Variants in SAMD12 observed in about 807,000 individuals in gnomAD.
SAMD12 encodes sterile alpha motif domain-containing protein 12.
Under a neutral mutation model 15.0 loss-of-function variants are expected in SAMD12, and 9 were observed. The observed-to-expected ratio is 0.60, with a 90% CI of 0.36 to 1.05. The LOEUF (loss-of-function observed/expected upper bound fraction) is 1.05, where lower values mean the gene tolerates loss of function less well. Ranked by LOEUF, SAMD12 falls within the 50% of genes least tolerant of loss-of-function variation. The pLI, the probability that SAMD12 is intolerant of heterozygous loss-of-function variation, is 0.01. For missense variants in SAMD12, 230 were observed against 234.2 expected (o/e 0.98, Z 0.12); for synonymous variants, 86 against 90.1 (o/e 0.96, Z 0.25).
chr8:118,477,001 CCT>C (rs765256948), intron 2 of SAMD12, among the ~76,000 whole-genome samples: 46 of 152,120 alleles, frequency 3.0e-4, no homozygotes, highest in Admixed American at 5.2e-4. Flanking sequence ...TTTCAGCAGG[CCT>C]CTCTATTCAC....
At chr8:118,154,658 T>C in the SAMD12 span, among the ~76,000 whole-genome samples, 1 of 152,194 alleles carries the variant, frequency 6.6e-6, no homozygotes, top group Non-Finnish European at 1.5e-5. Flanking sequence ...TAAATTTTAG[T>C]ATACACCAAG....
intron 2 of SAMD12, among the ~76,000 whole-genome samples, chr8:118,568,025 C>G (rs1218511745): frequency 6.6e-6 from 1 of 152,152 alleles, no homozygotes; most frequent in Non-Finnish European, 1.5e-5. Context: ...AGTTCACACT[C>G]TAGTGGATGA....
chr8:118,330,349 C>T (rs192483448), intron 4 of SAMD12, among the ~76,000 whole-genome samples: 116 of 152,218 alleles, frequency 7.6e-4, no homozygotes, highest in Non-Finnish European at 1.3e-3. Context: ...GTTCCTTGGG[C>T]GGCTGAATGA....
At chr8:118,491,689 G>A (rs1824444074) in intron 2 of SAMD12, among the ~76,000 whole-genome samples, 1 of 151,958 alleles carries the variant, frequency 6.6e-6, no homozygotes, top group Admixed American at 6.6e-5. Context: ...CATATAAATG[G>A]AATCATGCAG....
At chr8:118,249,977 C>T (rs886945110) in intron 4 of SAMD12, among the ~76,000 whole-genome samples, 5 of 152,200 alleles carry the variant, frequency 3.3e-5, no homozygotes, top group Middle Eastern at 3.4e-3. Flanking sequence ...AATCCACACC[C>T]CCGATGTTGG....
chr8:118,389,976 G>A (rs920294757), intron 3 of SAMD12, among the ~76,000 whole-genome samples: 12 of 151,938 alleles, frequency 7.9e-5, no homozygotes, highest in African/African-American at 2.9e-4. Flanking sequence ...GTATATATGG[G>A]TCATAGTTGG....
downstream of SAMD12, among the ~76,000 whole-genome samples, chr8:118,184,778 T>G (rs1236785859): frequency 1.3e-5 from 2 of 152,206 alleles, no homozygotes; most frequent in Non-Finnish European, 2.9e-5. Context: ...ATTACAGGCA[T>G]GAGCCTGCTA....
chr8:118,191,100 G>GAAT, exon 5 of SAMD12: 1 of 152,258 alleles, frequency 6.6e-6, no homozygotes, highest in East Asian at 1.9e-4. Context: ...AGTTTCAGTG[G>GAAT]AATTAGTTTC....
At chr8:118,205,978 T>C (rs1194658025) in intron 4 of SAMD12, among the ~76,000 whole-genome samples, 1 of 152,230 alleles carries the variant, frequency 6.6e-6, no homozygotes, top group African/African-American at 2.4e-5. Context: ...GCCACTAGTC[T>C]ACTACACTGT....
chr8:118,241,041 C>T (rs1812551149), intron 4 of SAMD12, among the ~76,000 whole-genome samples: 1 of 152,186 alleles, frequency 6.6e-6, no homozygotes. Flanking sequence ...TGACCCCCAG[C>T]TCATTAGTGC....
chr8:118,471,608 T>G (rs1302083491), intron 2 of SAMD12, among the ~76,000 whole-genome samples: 5 of 152,190 alleles, frequency 3.3e-5, no homozygotes, highest in Non-Finnish European at 7.4e-5. Context: ...AAAATCCCTT[T>G]GCAAAGCCAA....
intron 3 of SAMD12, among the ~76,000 whole-genome samples, chr8:118,414,427 C>T (rs550953432): frequency 6.6e-5 from 10 of 152,158 alleles, no homozygotes; most frequent in African/African-American, 2.4e-4. Flanking sequence ...AATCTTTTAA[C>T]ATCTGTTGAG....
At chr8:118,381,350 G>A (rs929418965) in intron 3 of SAMD12, among the ~76,000 whole-genome samples, 3 of 152,134 alleles carry the variant, frequency 2.0e-5, no homozygotes, top group African/African-American at 4.8e-5. Flanking sequence ...GGAAGGAAAG[G>A]ACAAAATCAG....
intron 4 of SAMD12, among the ~76,000 whole-genome samples, chr8:118,258,023 G>A (rs922792024): frequency 6.6e-6 from 1 of 152,098 alleles, no homozygotes; most frequent in South Asian, 2.1e-4. Context: ...ACCTGGTTAA[G>A]CAGACCATTA....
At position 118,453,484 on chromosome 8, in the gene SAMD12, C is replaced by T. The variant is rs866897673; in HGVS notation, c.193-13523G>A. Among the ~76,000 whole-genome samples, 7 of 151,834 alleles carry T rather than the reference C, an allele frequency of 4.6e-5. No homozygotes were observed. The East Asian group carries it at 5.8e-4, about 13-fold the overall frequency. ...TTCATGCCACAGTTTAATTCATATT[C>T]GGAGCAAATATTCTTATGCAATGTT... On this transcript the variant is annotated intron_variant, in intron 2 of 3. Coordinates refer to ENST00000314727, the MANE Select transcript of SAMD12 (RefSeq NM_207506.3).
At chr8:118,460,445 T>C (rs2130936151) in intron 2 of SAMD12, among the ~76,000 whole-genome samples, 1 of 152,074 alleles carries the variant, frequency 6.6e-6, no homozygotes, top group African/African-American at 2.4e-5. Context: ...AAACATAATT[T>C]TAGGTAAGAG....
At chr8:118,135,291 C>T in the SAMD12 span, among the ~76,000 whole-genome samples, 1 of 152,040 alleles carries the variant, frequency 6.6e-6, no homozygotes, top group Admixed American at 6.6e-5. Flanking sequence ...AAGCATTTCT[C>T]CTGCCTCAGC....
At chr8:118,393,402 A>ATATT (rs1563823932) in intron 3 of SAMD12, among the ~76,000 whole-genome samples, 1 of 150,512 alleles carries the variant, frequency 6.6e-6, no homozygotes, top group African/African-American at 2.4e-5. Context: ...ATATATATAT[A>ATATT]TTTTGATTTT....
rs1411746801 is a variant in SAMD12 at position 118,321,160 on chromosome 8, T to A, written c.433+58400A>T. Among the ~76,000 whole-genome samples, 14 of 70,538 alleles carry A rather than the reference T, an allele frequency of 2.0e-4. 1 individual carries two copies. Among genetic ancestry groups the A allele is most frequent in the African/African-American group, 1.1e-3 (14 of 12,736 alleles). 46.3% of individuals were successfully genotyped at this position (70,538 alleles called of 152,430 possible). A position where few individuals can be genotyped will look rare whatever the true frequency, so the allele number is the denominator to read the frequency against. On this transcript the variant is annotated intron_variant, in intron 4 of 4. Transcript: ENST00000409003. ...TAGATAATAAATATATATATATATA[T>A]ATATATATATATATATATATATATA...
Sources: gnomAD v4.1 joint callset for allele counts (sites outside exome capture counted in the v4.1 genomes callset) on GRCh38, gnomAD v4.1.1 for gene constraint, MANE v1.5 for transcripts, NCBI Gene and HGNC (gene_info 2026-07-23, HGNC 2026-07-21) for gene names.